Variants in DGKB observed in about 807,000 individuals in gnomAD.
DGKB encodes the protein diacylglycerol kinase beta, also known as 90 kDa diacylglycerol kinase.
Under a neutral mutation model 114.3 loss-of-function variants are expected in DGKB, and 67 were observed. The observed-to-expected ratio is 0.59, with a 90% CI of 0.48 to 0.72. DGKB has a LOEUF of 0.72. Among genes scored for constraint, DGKB ranks in the 30% least tolerant of loss-of-function variants. DGKB has a pLI of 0.00. For synonymous variants in DGKB, 398 were observed against 323.1 expected (o/e 1.23, Z -2.49); for missense variants, 907 against 975.2 (o/e 0.93, Z 0.93).
At chr7:14,344,099 A>G (rs771135559) in intron 22 of DGKB, among the ~76,000 whole-genome samples, 1 of 150,204 alleles carries the variant, frequency 6.7e-6, no homozygotes, top group Non-Finnish European at 1.5e-5. Context: ...TTTTATATAC[A>G]GTTATTTGTG....
intron 21 of DGKB, among the ~76,000 whole-genome samples, chr7:14,455,959 T>G (rs1243995794): frequency 6.6e-6 from 1 of 152,016 alleles, no homozygotes; most frequent in Admixed American, 6.6e-5. Flanking sequence ...CCTTCACTAT[T>G]TAAAATGTAT....
chr7:14,201,766 A>G (rs1368562503), intron 23 of DGKB, among the ~76,000 whole-genome samples: 1 of 152,014 alleles, frequency 6.6e-6, no homozygotes, highest in Non-Finnish European at 1.5e-5. Context: ...AGATGTGAAC[A>G]TTATTTCCAA....
At chr7:14,710,966 A>T (rs1321041967) in intron 6 of DGKB, among the ~76,000 whole-genome samples, 2 of 152,026 alleles carry the variant, frequency 1.3e-5, no homozygotes, top group Non-Finnish European at 2.9e-5. Context: ...CTTGTACTTT[A>T]ATTTCTTTAA....
chr7:14,270,267 G>T (rs1023201409), intron 23 of DGKB, among the ~76,000 whole-genome samples: 1 of 152,070 alleles, frequency 6.6e-6, no homozygotes, highest in Non-Finnish European at 1.5e-5. Context: ...CATATGCTGC[G>T]TTCTCTTCTT....
chr7:14,704,613 T>C (rs1441360181), intron 6 of DGKB, among the ~76,000 whole-genome samples: 1 of 151,756 alleles, frequency 6.6e-6, no homozygotes, highest in Admixed American at 6.6e-5. Flanking sequence ...AGCACGCAGC[T>C]GAAGATCTGA....
intron 20 of DGKB, among the ~76,000 whole-genome samples, chr7:14,523,683 T>C (rs1322793680): frequency 6.6e-6 from 1 of 152,146 alleles, no homozygotes; most frequent in East Asian, 1.9e-4. Context: ...CAATGTATTC[T>C]ATTATAAATA....
intron 21 of DGKB, among the ~76,000 whole-genome samples, chr7:14,469,062 C>T (rs924479310): frequency 1.3e-5 from 2 of 152,010 alleles, no homozygotes; most frequent in Non-Finnish European, 2.9e-5. Context: ...TACAATCAAG[C>T]CTTACTTCAG....
chr7:14,696,232 G>A (rs1244660552), intron 8 of DGKB, among the ~76,000 whole-genome samples: 1 of 152,056 alleles, frequency 6.6e-6, no homozygotes, highest in African/African-American at 2.4e-5. Context: ...GGTGGCTCAC[G>A]CCTGTAATCC....
intron 23 of DGKB, among the ~76,000 whole-genome samples, chr7:14,234,499 T>A (rs1326579151): frequency 6.6e-6 from 1 of 152,100 alleles, no homozygotes; most frequent in Non-Finnish European, 1.5e-5. Context: ...CAAATATTTT[T>A]CCAGTGGTTT....
chr7:14,162,062 A>G (rs994809310), intron 25 of DGKB, among the ~76,000 whole-genome samples: 2 of 152,166 alleles, frequency 1.3e-5, no homozygotes, highest in Non-Finnish European at 2.9e-5. Context: ...TTTCAACAAT[A>G]CAGATTATTG....
At chr7:14,584,742 T>G (rs1053539459) in intron 17 of DGKB, among the ~76,000 whole-genome samples, 1 of 151,948 alleles carries the variant, frequency 6.6e-6, no homozygotes, top group Non-Finnish European at 1.5e-5. Flanking sequence ...CACTGCAACC[T>G]CCTCCTCCTG....
At chr7:14,960,443 AT>A (rs1786775982) in intron 1 of DGKB, among the ~76,000 whole-genome samples, 1 of 151,920 alleles carries the variant, frequency 6.6e-6, no homozygotes, top group Admixed American at 6.6e-5. Context: ...CTCTGACTTT[AT>A]TTTTTACTGT....
At chr7:14,942,997 C>T (rs1562892542) in intron 1 of DGKB, among the ~76,000 whole-genome samples, 1 of 151,594 alleles carries the variant, frequency 6.6e-6, no homozygotes, top group Non-Finnish European at 1.5e-5. Flanking sequence ...GGGATGTAGT[C>T]TATTTCATAC....
chr7:14,483,532 A>C (rs921641276), intron 20 of DGKB, among the ~76,000 whole-genome samples: 1 of 152,184 alleles, frequency 6.6e-6, no homozygotes, highest in Non-Finnish European at 1.5e-5. Context: ...TTTTGCACAC[A>C]GACATGAATC....
At chr7:14,596,811 A>G (rs1802661524) in intron 17 of DGKB, among the ~76,000 whole-genome samples, 2 of 152,198 alleles carry the variant, frequency 1.3e-5, no homozygotes, top group African/African-American at 4.8e-5. Context: ...ATTATCTTCC[A>G]TTGATATATT....
intron 1 of DGKB, among the ~76,000 whole-genome samples, chr7:14,871,623 T>G (rs902311084): frequency 1.3e-5 from 2 of 152,152 alleles, no homozygotes; most frequent in African/African-American, 4.8e-5. Flanking sequence ...TGAGAAGAAT[T>G]AGGCCTTCTG....
chr7:14,583,369 C>T (rs1020761142), intron 17 of DGKB, among the ~76,000 whole-genome samples: 1 of 151,624 alleles, frequency 6.6e-6, no homozygotes, highest in African/African-American at 2.4e-5. Flanking sequence ...AATGAATATA[C>T]TCTTTTTCTT....
intron 23 of DGKB, among the ~76,000 whole-genome samples, chr7:14,216,722 T>C: frequency 1.1e-5 from 1 of 93,582 alleles, no homozygotes; most frequent in Non-Finnish European, 1.9e-5. Flanking sequence ...CAAGACTCCG[T>C]CTCAAAAAAA....
chr7:14,538,004 T>G (rs1287716219), intron 20 of DGKB, among the ~76,000 whole-genome samples: 2 of 140,174 alleles, frequency 1.4e-5, no homozygotes, highest in Non-Finnish European at 3.0e-5. Context: ...CCCTTGAACC[T>G]AGAAGGCGGA....
Sources: gnomAD v4.1 joint callset for allele counts (sites outside exome capture counted in the v4.1 genomes callset) on GRCh38, gnomAD v4.1.1 for gene constraint, MANE v1.5 for transcripts, NCBI Gene and HGNC (gene_info 2026-07-23, HGNC 2026-07-21) for gene names.